GRIK2: variants seen among roughly 807,000 people sequenced by gnomAD.
The protein encoded by GRIK2 is glutamate receptor ionotropic, kainate 2.
Under a neutral mutation model 100.3 loss-of-function variants are expected in GRIK2, and 32 were observed. That is an observed-to-expected ratio of 0.32 (90% confidence interval 0.24 to 0.43). GRIK2 has a LOEUF of 0.43. Ranked by LOEUF, GRIK2 falls within the 20% of genes least tolerant of loss-of-function variation. GRIK2 has a pLI of 1.00. For missense variants in GRIK2, 843 were observed against 1,114.9 expected (o/e 0.76, Z 3.47); for synonymous variants, 417 against 389.4 (o/e 1.07, Z -0.83).
At chr6:101,599,618 G>A (rs914944735) in intron 2 of GRIK2, among the ~76,000 whole-genome samples, 1 of 151,646 alleles carries the variant, frequency 6.6e-6, no homozygotes, top group African/African-American at 2.4e-5. Flanking sequence ...GTGTAAGATG[G>A]TATCTCGTTG....
chr6:101,509,048 C>T (rs1325393357), intron 2 of GRIK2, among the ~76,000 whole-genome samples: 1 of 151,332 alleles, frequency 6.6e-6, no homozygotes, highest in Non-Finnish European at 1.5e-5. Flanking sequence ...GTCACAGCTA[C>T]TCGGGAGGCT....
At chr6:101,484,918 T>C (rs1383740544) in intron 2 of GRIK2, among the ~76,000 whole-genome samples, 1 of 152,184 alleles carries the variant, frequency 6.6e-6, no homozygotes, top group Non-Finnish European at 1.5e-5. Context: ...TTTATCACTT[T>C]TATTGGCGTA....
Position 102,063,916 on chromosome 6 carries a change from C to G in GRIK2, c.2563-4431C>G, listed in dbSNP as rs184510184. 4.1e-4 allele frequency: 333 copies of G among 809,934 alleles called. 1 individual carries two copies. The African/African-American group carries it at 5.1e-3, about 13-fold the overall frequency. 50.2% of individuals were successfully genotyped at this position (809,934 alleles called of 1,614,324 possible). On this transcript the variant is annotated intron_variant, in intron 16 of 16. Coordinates refer to ENST00000369134, the MANE Select transcript of GRIK2 (RefSeq NM_021956.5). ...ATTAAGAGTTTTACTAATTTAAATG[C>G]AATTATACATGCTAACAGCTCAAAG...
chr6:101,638,299 T>TA (rs1424288854), intron 4 of GRIK2, among the ~76,000 whole-genome samples: 1 of 151,114 alleles, frequency 6.6e-6, no homozygotes, highest in Non-Finnish European at 1.5e-5. Context: ...TTCTTTGCCT[T>TA]ATGGAGCTTA....
intron 15 of GRIK2, among the ~76,000 whole-genome samples, chr6:102,042,478 T>C (rs1770641652): frequency 6.6e-6 from 1 of 151,668 alleles, no homozygotes; most frequent in African/African-American, 2.4e-5. Context: ...TGCAGGGACT[T>C]AGATAGCTGG....
intron 2 of GRIK2, among the ~76,000 whole-genome samples, chr6:101,490,138 T>A (rs1458020425): frequency 7.0e-6 from 1 of 143,496 alleles, no homozygotes; most frequent in East Asian, 2.0e-4. Flanking sequence ...GAATGAAACA[T>A]AGACATACAG....
chr6:101,394,852 G>A (rs973300192), intron 1 of GRIK2, among the ~76,000 whole-genome samples: 1 of 152,100 alleles, frequency 6.6e-6, no homozygotes, highest in Non-Finnish European at 1.5e-5. Context: ...AAATGCACAA[G>A]AGCAAGGTGA....
intron 4 of GRIK2, among the ~76,000 whole-genome samples, chr6:101,636,123 G>T (rs1293596792): frequency 6.6e-6 from 1 of 152,050 alleles, no homozygotes; most frequent in Admixed American, 6.6e-5. Flanking sequence ...TAATAGACTG[G>T]ATAAAGAAAA....
chr6:101,955,576 TTCTCTCTC>T (rs60603807), intron 14 of GRIK2, among the ~76,000 whole-genome samples: 4,541 of 116,138 alleles, frequency 0.039, 114 homozygotes, highest in Middle Eastern at 0.065. Context: ...GAGCAAGGCC[TTCTCTCTC>T]TCTCTCTCTC....
chr6:101,900,948 A>G (rs1482361459), intron 12 of GRIK2, among the ~76,000 whole-genome samples: 2 of 148,118 alleles, frequency 1.4e-5, no homozygotes, highest in Non-Finnish European at 3.0e-5. Flanking sequence ...ATTTTTTATT[A>G]TTAGAAATCT....
At chr6:101,923,696 G>A (rs552962494) in intron 12 of GRIK2, among the ~76,000 whole-genome samples, 6 of 152,110 alleles carry the variant, frequency 3.9e-5, no homozygotes, top group South Asian at 4.2e-4. Context: ...CCAGGCAGGC[G>A]GATTGTCTGA....
chr6:101,660,823 T>C (rs1174259846), intron 4 of GRIK2, among the ~76,000 whole-genome samples: 1 of 152,134 alleles, frequency 6.6e-6, no homozygotes, highest in East Asian at 1.9e-4. Context: ...ACAGTAAAGA[T>C]TGCTGCCAGT....
intron 11 of GRIK2, among the ~76,000 whole-genome samples, chr6:101,876,964 TGAA>T (rs1785895081): frequency 6.6e-6 from 1 of 151,896 alleles, no homozygotes; most frequent in Non-Finnish European, 1.5e-5. Flanking sequence ...TCATAACAGG[TGAA>T]GTTGAATTTG....
chr6:101,996,232 C>G (rs2128493623), intron 14 of GRIK2, among the ~76,000 whole-genome samples: 1 of 152,148 alleles, frequency 6.6e-6, no homozygotes, highest in East Asian at 1.9e-4. Context: ...TTGATAAATA[C>G]TACTTCATAC....
At chr6:101,992,646 G>A (rs1253718472) in intron 14 of GRIK2, among the ~76,000 whole-genome samples, 1 of 151,552 alleles carries the variant, frequency 6.6e-6, no homozygotes, top group Non-Finnish European at 1.5e-5. Context: ...AGTGAAATAG[G>A]AAGGTCACAA....
At chr6:101,499,063 G>A (rs1314393738) in intron 2 of GRIK2, among the ~76,000 whole-genome samples, 2 of 152,040 alleles carry the variant, frequency 1.3e-5, no homozygotes, top group Admixed American at 6.6e-5. Flanking sequence ...TGGGAAAACT[G>A]GCTAGCCATA....
At position 102,009,929 on chromosome 6, in the gene GRIK2, G is replaced by T. The variant is rs1161816570; in HGVS notation, c.2086-25412G>T. On this transcript the variant is annotated intron_variant, in intron 14 of 16. Coordinates refer to ENST00000369134, the MANE Select transcript of GRIK2 (RefSeq NM_021956.5). ...CATGAAATACAAAAGCAGGGCATGT[G>T]AATGTATTTATGCTTTTAATGCTTG... Among the ~76,000 whole-genome samples the T allele has an allele frequency of 4.6e-5, 7 of 152,092 alleles. No homozygotes were observed. In the East Asian group the frequency reaches 1.3e-3, roughly 29 times the overall value.
intron 9 of GRIK2, 33 bp downstream of exon 9, chr6:101,802,471 A>G (rs1583180388): frequency 2.3e-6 from 2 of 881,038 alleles, no homozygotes; most frequent in East Asian, 5.2e-5. Flanking sequence ...TTTAATTACT[A>G]AATGAAACAT....
At chr6:101,780,835 T>C (rs1779037885) in intron 7 of GRIK2, among the ~76,000 whole-genome samples, 1 of 152,194 alleles carries the variant, frequency 6.6e-6, no homozygotes, top group Non-Finnish European at 1.5e-5. Context: ...CACTAGGGCC[T>C]TTGCCCTTTG....
Sources: allele counts gnomAD v4.1 joint callset (sites outside exome capture counted in the v4.1 genomes callset), GRCh38; gene constraint gnomAD v4.1.1; transcripts MANE v1.5; gene names NCBI Gene and HGNC (gene_info 2026-07-23, HGNC 2026-07-21).